NAV2: variants seen among roughly 807,000 people sequenced by gnomAD.
NAV2 encodes helicase, APC down-regulated 1.
Under a neutral mutation model 223.2 loss-of-function variants are expected in NAV2, and 54 were observed. The ratio of observed to expected loss-of-function variants is 0.24; its 90% CI spans 0.19 to 0.30. The LOEUF (loss-of-function observed/expected upper bound fraction) is 0.30. Among genes scored for constraint, NAV2 ranks in the 10% least tolerant of loss-of-function variants. The pLI is 1.00. For missense variants in NAV2, 2,806 were observed against 3,147.5 expected (o/e 0.89, Z 2.60); for synonymous variants, 1,279 against 1,239.3 (o/e 1.03, Z -0.67).
intron 1 of NAV2, among the ~76,000 whole-genome samples, chr11:19,817,675 G>A (rs1211741400): frequency 6.6e-6 from 1 of 152,178 alleles, no homozygotes; most frequent in Non-Finnish European, 1.5e-5. Flanking sequence ...CCTTGAGCAG[G>A]TGCTCTGTAA....
At chr11:19,656,291 G>A (rs747093345) in intron 1 of NAV2, among the ~76,000 whole-genome samples, 13 of 152,294 alleles carry the variant, frequency 8.5e-5, no homozygotes, top group Non-Finnish European at 1.5e-4. Context: ...CCCTTGTCAC[G>A]GGGGCCTGTA....
At chr11:20,067,644 AT>A (rs11371990) in intron 20 of NAV2, among the ~76,000 whole-genome samples, 469 of 129,226 alleles carry the variant, frequency 3.6e-3, no homozygotes, top group Admixed American at 5.6e-3. Context: ...CACCCGGCTA[AT>A]TTTTTTTTTT....
chr11:19,904,359 C>G (rs2042690545), intron 6 of NAV2, among the ~76,000 whole-genome samples: 1 of 151,804 alleles, frequency 6.6e-6, no homozygotes, highest in African/African-American at 2.4e-5. Flanking sequence ...ATGGAAGAGA[C>G]AGTAAACAAA....
intron 32 of NAV2, 34 bp downstream of exon 32, chr11:20,101,206 T>C (rs2061612049): frequency 6.4e-7 from 1 of 1,565,182 alleles, no homozygotes; most frequent in African/African-American, 1.3e-5. Flanking sequence ...CTGTATTTTT[T>C]GGCCCTTTCA....
At chr11:19,431,000 A>G (rs1466881511) in intron 1 of NAV2, among the ~76,000 whole-genome samples, 3 of 152,286 alleles carry the variant, frequency 2.0e-5, no homozygotes, top group East Asian at 3.9e-4. Flanking sequence ...GACACAATAG[A>G]AAAAAACTCC....
chr11:20,082,482 G>A (rs1773761878), intron 25 of NAV2: 5 of 1,026,350 alleles, frequency 4.9e-6, no homozygotes. Flanking sequence ...TTTATTATTA[G>A]CCATGTTGTG....
chr11:20,004,332 A>G (rs2052836418), intron 11 of NAV2, among the ~76,000 whole-genome samples: 1 of 152,182 alleles, frequency 6.6e-6, no homozygotes, highest in South Asian at 2.1e-4. Flanking sequence ...TTTCTGGTGT[A>G]ATCCACACCT....
rs1309993698 is a variant in NAV2 at position 20,088,160 on chromosome 11, G to C, written c.5499-2705G>C. On this transcript the variant is annotated intron_variant, in intron 26 of 37. Transcript: ENST00000349880. ...GATTAGGGACTAAAGCTTAGTTAAG[G>C]CTGCTGCAAAAGAATGTGTTTTCTT... Among the ~76,000 whole-genome samples, 5 of 152,138 alleles carry C rather than the reference G, an allele frequency of 3.3e-5. No individual in the cohort carries two copies. In the East Asian group the frequency reaches 7.7e-4, roughly 24 times the overall value.
intron 4 of NAV2, among the ~76,000 whole-genome samples, chr11:19,874,887 T>C (rs755267297): frequency 1.3e-5 from 2 of 152,248 alleles, no homozygotes; most frequent in Non-Finnish European, 2.9e-5. Context: ...CTGGGCACAA[T>C]GGCTCACGCC....
At chr11:19,856,713 C>T (rs752778991) in intron 3 of NAV2, among the ~76,000 whole-genome samples, 3 of 152,176 alleles carry the variant, frequency 2.0e-5, no homozygotes, top group South Asian at 2.1e-4. Flanking sequence ...ATAGGGTGTT[C>T]TATAAAGGCA....
chr11:19,565,264 G>C (rs1444015149), intron 1 of NAV2, among the ~76,000 whole-genome samples: 1 of 152,208 alleles, frequency 6.6e-6, no homozygotes, highest in Non-Finnish European at 1.5e-5. Flanking sequence ...CCCAGTGGCT[G>C]AGGTTAAAGC....
chr11:19,637,694 A>C (rs1015706188), intron 1 of NAV2, among the ~76,000 whole-genome samples: 3 of 152,222 alleles, frequency 2.0e-5, no homozygotes, highest in African/African-American at 7.2e-5. Context: ...AGGATGTCAC[A>C]CACTTAAACG....
intron 10 of NAV2, among the ~76,000 whole-genome samples, chr11:19,964,803 A>G (rs1225814476): frequency 1.7e-5 from 2 of 116,600 alleles, no homozygotes; most frequent in Admixed American, 9.5e-5. Context: ...AGCTGGCCTC[A>G]TTCTACTTTT....
At chr11:19,519,098 C>G (rs994261702) in intron 1 of NAV2, among the ~76,000 whole-genome samples, 2 of 152,182 alleles carry the variant, frequency 1.3e-5, no homozygotes, top group Non-Finnish European at 2.9e-5. Context: ...GCCACCCAGT[C>G]TATGGTATTT....
chr11:19,617,311 G>A (rs565915638), intron 1 of NAV2, among the ~76,000 whole-genome samples: 2 of 152,284 alleles, frequency 1.3e-5, no homozygotes, highest in South Asian at 4.1e-4. Context: ...ATCTTAGGAG[G>A]ATGTTGGCAG....
At chr11:19,714,682 G>A (rs1204382492) in intron 1 of NAV2, among the ~76,000 whole-genome samples, 1 of 152,166 alleles carries the variant, frequency 6.6e-6, no homozygotes, top group Non-Finnish European at 1.5e-5. Context: ...GGTAGATCCT[G>A]GTGTTGGTAG....
At chr11:19,420,681 C>T (rs779109229) in intron 1 of NAV2, among the ~76,000 whole-genome samples, 1 of 152,116 alleles carries the variant, frequency 6.6e-6, no homozygotes, top group South Asian at 2.1e-4. Context: ...CTATAAAGTT[C>T]CAAATAGGCA....
At chr11:20,057,379 C>T (rs1050035397) in intron 19 of NAV2, among the ~76,000 whole-genome samples, 40 of 152,118 alleles carry the variant, frequency 2.6e-4, no homozygotes, top group Non-Finnish European at 1.8e-4. Flanking sequence ...CATTTGCATA[C>T]CATGACATTC....
intron 1 of NAV2, among the ~76,000 whole-genome samples, chr11:19,379,435 A>G (rs1450771802): frequency 1.3e-5 from 2 of 152,248 alleles, no homozygotes; most frequent in African/African-American, 4.8e-5. Context: ...AGTGAAATTC[A>G]GAAGACATTC....
Sources: allele counts gnomAD v4.1 joint callset (sites outside exome capture counted in the v4.1 genomes callset), GRCh38; gene constraint gnomAD v4.1.1; transcripts MANE v1.5; gene names NCBI Gene and HGNC (gene_info 2026-07-23, HGNC 2026-07-21).